The following ACLY variants were observed in gnomAD, a reference collection of about 807,000 sequenced individuals.
The protein encoded by ACLY is ATP citrate lyase, also known as ATP-citrate synthase.
A neutral mutation model predicts 133.0 loss-of-function variants in ACLY; 41 were observed. The ratio of observed to expected loss-of-function variants is 0.31; its 90% CI spans 0.24 to 0.40. The LOEUF (loss-of-function observed/expected upper bound fraction) is 0.40. Ranked by LOEUF, ACLY falls within the 10% of genes least tolerant of loss-of-function variation. The pLI is 1.00. For synonymous variants in ACLY, 495 were observed against 549.3 expected, an observed-to-expected ratio of 0.90 and a Z score of 1.38; for missense variants, 1,046 against 1,453.8, an observed-to-expected ratio of 0.72 and a Z score of 4.56.
At chr17:41,894,637 CCTA>C (rs1366964258) in intron 14 of ACLY, among the ~76,000 whole-genome samples, 1 of 151,564 alleles carries the variant, frequency 6.6e-6, no homozygotes, top group Non-Finnish European at 1.5e-5. Context: ...CTCATGCACC[CCTA>C]CTATGTACCC....
chr17:41,920,113 A>T (rs1239650032), upstream of ACLY, among the ~76,000 whole-genome samples: 4 of 152,196 alleles, frequency 2.6e-5, no homozygotes, highest in Non-Finnish European at 4.4e-5. Context: ...ACACTGCAAC[A>T]GTGTTGCGAC....
At chr17:41,903,349 G>A (rs533893289) in intron 10 of ACLY, among the ~76,000 whole-genome samples, 1 of 152,278 alleles carries the variant, frequency 6.6e-6, no homozygotes, top group African/African-American at 2.4e-5. Flanking sequence ...GCCCTGACTC[G>A]TGAACAGGCA....
At chr17:41,904,650 A>T in intron 10 of ACLY, 79 bp downstream of exon 10, 1 of 1,420,442 alleles carries the variant, frequency 7.0e-7, no homozygotes, top group Non-Finnish European at 9.8e-7. Flanking sequence ...GCTCTGGCTC[A>T]AACTCTGCTT....
chr17:41,907,099 G>C (rs1419782386), intron 7 of ACLY, among the ~76,000 whole-genome samples: 1 of 152,196 alleles, frequency 6.6e-6, no homozygotes, highest in African/African-American at 2.4e-5. Flanking sequence ...TCAGAGGACA[G>C]AGTGGGAAAG....
At chr17:41,913,983 C>T in intron 1 of ACLY, 87 bp from the exon 2 acceptor site, 1 of 1,308,796 alleles carries the variant, frequency 7.6e-7, no homozygotes, top group South Asian at 1.4e-5. Context: ...TCCCAGTTGC[C>T]CCCAGACAAT....
intron 13 of ACLY, 89 bp from the exon 14 acceptor site, chr17:41,896,738 T>A (rs987478716): frequency 8.0e-7 from 1 of 1,245,014 alleles, no homozygotes; most frequent in Non-Finnish European, 1.1e-6. Context: ...AAGGGTCCCA[T>A]GGACAAGCCT....
upstream of ACLY, chr17:41,919,061 A>T (rs781970533): frequency 2.4e-6 from 3 of 1,255,148 alleles, no homozygotes; most frequent in East Asian, 2.0e-4. Context: ...CGCGTTCCCT[A>T]GCCTGAGCGC....
intron 7 of ACLY, 151 bp downstream of exon 7, chr17:41,907,291 C>CCT: frequency 1.6e-6 from 1 of 630,810 alleles, no homozygotes; most frequent in Non-Finnish European, 2.6e-6. Flanking sequence ...ACCCCCACCC[C>CCT]ATTGAGGTTT....
rs1404294507 is a variant in ACLY, at chr17:41,869,602, A to G, written c.2938-15T>C. The G allele has an allele frequency of 6.2e-7, 1 of 1,600,012 alleles. No homozygotes were observed. Among genetic ancestry groups the G allele is most frequent in the Non-Finnish European group, 8.6e-7 (1 of 1,167,270 alleles). On this transcript the variant is annotated splice_polypyrimidine_tract_variant and intron_variant, in intron 25 of 28. Transcript: ENST00000352035. ...GGGTTGTTTATCTAGAAATGAACCC[A>G]ACGGTACAGAGGAACACTCACACAC...
chr17:41,915,140 G>T (rs1555634303), intron 1 of ACLY, among the ~76,000 whole-genome samples: 1 of 152,116 alleles, frequency 6.6e-6, no homozygotes, highest in African/African-American at 2.4e-5. Context: ...TCACTTCAAA[G>T]AGTCTATGAT....
rs112142153 is a variant in ACLY at position 41,915,002 on chromosome 17, C to T, written c.-23-1106G>A. On this transcript the variant is annotated intron_variant, in intron 1 of 28. Transcript: ENST00000352035. ...GTTAGGATAACTTGCCCAAGAAGCCCACCTAATAATAAGCAAGGTTATGAC... is the reference window on the plus strand; with the variant it reads ...GTTAGGATAACTTGCCCAAGAAGCCTACCTAATAATAAGCAAGGTTATGAC... 1.5e-3 allele frequency among the ~76,000 whole-genome samples: 230 copies of T among 152,194 alleles called. 1 individual carries two copies. Among genetic ancestry groups the T allele is most frequent in the African/African-American group, 5.2e-3 (217 of 41,516 alleles).
rs563261004 is a variant in ACLY at position 41,903,882 on chromosome 17, G to A, written c.1065+847C>T. 7.3e-5 allele frequency among the ~76,000 whole-genome samples: 11 copies of A among 151,568 alleles called. No homozygotes were observed. In the South Asian group the frequency reaches 2.3e-3, roughly 32 times the overall value. On this transcript the variant is annotated intron_variant, in intron 10 of 28. Transcript: ENST00000352035. ...CACCTGTAATACCAGCACTTTGGTAGGCTAAGGCGGGTGGATCACCTGAGG... is the reference window on the plus strand; with the variant it reads ...CACCTGTAATACCAGCACTTTGGTAAGCTAAGGCGGGTGGATCACCTGAGG...
intron 19 of ACLY, 28 bp downstream of exon 19, chr17:41,884,165 C>T (rs369646940): frequency 7.1e-7 from 1 of 1,399,416 alleles, no homozygotes; most frequent in South Asian, 1.2e-5. Flanking sequence ...GTTTTAAAAT[C>T]ATAATTTTTT....
In ACLY at chr17:41,913,708, G is replaced by C. The variant is rs370392792; in HGVS notation, c.159+7C>G. The C allele has an allele frequency of 6.2e-7, 1 of 1,613,498 alleles. No homozygotes were observed. On this transcript the variant is annotated splice_region_variant and intron_variant, in intron 2 of 28. Transcript: ENST00000352035. ...GAAGAAAGGCCCAAAGTGGAGGCAGGGCTCACCTGGCTGAGCAGCCAGGGG... is the reference window on the plus strand; with the variant it reads ...GAAGAAAGGCCCAAAGTGGAGGCAGCGCTCACCTGGCTGAGCAGCCAGGGG...
chr17:41,880,861 G>A (rs1306889276), intron 20 of ACLY, among the ~76,000 whole-genome samples: 1 of 149,776 alleles, frequency 6.7e-6, no homozygotes, highest in African/African-American at 2.5e-5. Flanking sequence ...GCGAGACTCC[G>A]TCTCAAAAAA....
At chr17:41,905,340 T>C (rs996136238) in intron 9 of ACLY, among the ~76,000 whole-genome samples, 182 bp downstream of exon 9, 2 of 152,194 alleles carry the variant, frequency 1.3e-5, no homozygotes, top group Admixed American at 1.3e-4. Flanking sequence ...CTCCCACTGA[T>C]AGATGTGGTC....
intron 1 of ACLY, among the ~76,000 whole-genome samples, chr17:41,928,414 T>C (rs1200211405): frequency 1.3e-5 from 2 of 152,196 alleles, no homozygotes; most frequent in Admixed American, 1.3e-4. Flanking sequence ...GCTAATACCA[T>C]TACCGTAGCT....
chr17:41,891,284 C>A (rs1490380643), intron 16 of ACLY, among the ~76,000 whole-genome samples: 2 of 152,072 alleles, frequency 1.3e-5, no homozygotes, highest in African/African-American at 4.8e-5. Context: ...CCGCCTCTGC[C>A]GCCCAACAAA....
At chr17:41,879,410 C>CT (rs1328882981) in intron 20 of ACLY, among the ~76,000 whole-genome samples, 11 of 147,824 alleles carry the variant, frequency 7.4e-5, no homozygotes, top group African/African-American at 2.7e-4. Flanking sequence ...CTGCCCCCCC[C>CT]GCCTTTTTTT....
Sources: gnomAD v4.1 joint callset for allele counts (sites outside exome capture counted in the v4.1 genomes callset) on GRCh38, gnomAD v4.1.1 for gene constraint, MANE v1.5 for transcripts, NCBI Gene and HGNC (gene_info 2026-07-23, HGNC 2026-07-21) for gene names.